The following CAMTA2 variants were observed in gnomAD, a reference collection of about 807,000 sequenced individuals.
The protein encoded by CAMTA2 is calmodulin binding transcription activator 2.
A neutral mutation model predicts 135.7 loss-of-function variants in CAMTA2; 56 were observed. That is an observed-to-expected ratio of 0.41 (90% CI 0.33 to 0.52). The LOEUF is 0.52. CAMTA2 is among the 20% of genes least tolerant of loss of function. The pLI is 0.16. For synonymous variants in CAMTA2, 591 were observed against 604.6 expected (o/e 0.98, Z 0.33); for missense variants, 1,358 against 1,553.4 (o/e 0.87, Z 2.11).
intron 6 of CAMTA2, 112 bp downstream of exon 6, chr17:4,981,977 C>T: frequency 7.9e-7 from 1 of 1,268,622 alleles, no homozygotes; most frequent in Non-Finnish European, 1.1e-6. Context: ...TCTCTTCTTC[C>T]CAGGCTCCTT....
At position 4,981,706 on chromosome 17, in the gene CAMTA2, C is replaced by T; in HGVS notation, c.537G>A (p.Glu179=). ...DRREWLKWSR[E]ELLGQLKPMF... ...TGGGCTTCAGCTGTCCCAACAACTC[C>T]TCCCGGGACCACTTCAGCCACTCTC... The change falls in exon 7 of 23, where the codon GAG becomes GAA. Residue 179 remains glutamate, a synonymous_variant. Transcript: ENST00000348066. 6.2e-7 allele frequency: 1 copy of T among 1,610,476 alleles called. No homozygotes were observed. The highest frequency in any genetic ancestry group is 1.1e-5 in the South Asian group (1 of 90,890).
rs1382645638 is a variant in CAMTA2, at chr17:4,973,774, GATATACACACTCTTAGGCAGAGACCC to G, written c.2017-31_2017-6del. 6.3e-7 allele frequency: 1 copy of G among 1,599,890 alleles called. No homozygotes were observed. Among genetic ancestry groups the G allele is most frequent in the Non-Finnish European group, 8.5e-7 (1 of 1,171,172 alleles). ...CCCAGGCCCCTGGCCTTCATCCTGC[GATATACACACTCTTAGGCAGAGACCC>G]AGGTATCTACTCCCCTGGCTTGAGG... On this transcript the variant is annotated splice_region_variant and splice_polypyrimidine_tract_variant and intron_variant, in intron 12 of 22. Coordinates refer to ENST00000348066, the MANE Select transcript of CAMTA2 (RefSeq NM_015099.4).
rs572711003 is a variant in CAMTA2, at chr17:4,968,769, C to T, written c.3596G>A (p.Gly1199Glu). Reference protein sequence around the residue: ...NQELEGLPQPGLAT With the variant: ...NQELEGLPQPELAT ...GCGGTGGCCAGGTCATGTGGCCAGT[C>T]CCGGCTGGGGAAGCCCTTCCAGCTC... The change falls in exon 23 of 23, where the codon GGA becomes GAA. Residue 1199 changes from glycine to glutamate, a missense_variant. Transcript: ENST00000348066. 3.7e-6 allele frequency: 6 copies of T among 1,614,136 alleles called. No individual in the cohort carries two copies. The Admixed American group carries it at 8.3e-5, about 22-fold the overall frequency.
chr17:4,974,817 T>C (rs1435764844), intron 11 of CAMTA2: 1 of 227,818 alleles, frequency 4.4e-6, no homozygotes, highest in Non-Finnish European at 8.7e-6. Flanking sequence ...CCGTACACAC[T>C]CTTCCCCCCA....
intron 7 of CAMTA2, 123 bp from the exon 8 acceptor site, chr17:4,981,482 C>G (rs1972956933): frequency 2.2e-6 from 3 of 1,371,066 alleles, no homozygotes; most frequent in Non-Finnish European, 3.0e-6. Context: ...AGGCCAGCAG[C>G]CTCAAGACTG....
rs746071862 is a variant in CAMTA2, at chr17:4,984,826, CT to C, written c.135+1053del. On this transcript the variant is annotated intron_variant, in intron 3 of 22. Transcript: ENST00000348066. ...ACTAGGTCTAGAGTTCGAGACCAGCCTGGCCAACATAGTGAAACCCCATCTC... is the reference window on the plus strand; with the variant it reads ...ACTAGGTCTAGAGTTCGAGACCAGCCGGCCAACATAGTGAAACCCCATCTC... Among the ~76,000 whole-genome samples, 44 of 152,034 alleles carry C rather than the reference CT, an allele frequency of 2.9e-4. 1 individual carries two copies. The highest frequency in any genetic ancestry group is 1.4e-3 in the Admixed American group (21 of 15,260).
At chr17:4,975,370 G>C (rs1269190252) in intron 11 of CAMTA2, among the ~76,000 whole-genome samples, 1 of 152,012 alleles carries the variant, frequency 6.6e-6, no homozygotes, top group Admixed American at 6.6e-5. Context: ...GACAAAGGAG[G>C]GCTGGGGGAA....
Position 4,983,053 on chromosome 17 carries a change from A to G in CAMTA2, c.136-10T>C. ...GGTAGGATGCAATCTCCTGTAGGAG[A>G]GGAGGCACTCAGCTGGGCATCTCCT... On this transcript the variant is annotated splice_polypyrimidine_tract_variant and intron_variant, in intron 3 of 22. Coordinates refer to ENST00000348066, the MANE Select transcript of CAMTA2 (RefSeq NM_015099.4). 1 of 1,612,642 alleles carries G rather than the reference A, an allele frequency of 6.2e-7. No homozygotes were observed. Among genetic ancestry groups the G allele is most frequent in the Non-Finnish European group, 8.5e-7 (1 of 1,178,778 alleles).
Position 4,973,612 on chromosome 17 carries a change from C to T in CAMTA2, c.2174G>A (p.Arg725His), listed in dbSNP as rs374714804. ...CCACTGGCTCAGGGTCTCGATGAGG[C>T]GGGCATAGCCCTGGGCAGCAGCCAG... ...LHLAAAQGYARLIETLSQWRS... is the reference protein window; with the variant it reads ...LHLAAAQGYAHLIETLSQWRS... Residue 725 changes from arginine to histidine, a missense_variant, in exon 13 of 23, where the codon CGC becomes CAC. By Grantham distance (29) the Arg-to-His change is conservative. Transcript: ENST00000348066. 19 of 1,613,378 alleles carry T rather than the reference C, an allele frequency of 1.2e-5. No individual in the cohort carries two copies. Among genetic ancestry groups the T allele is most frequent in the Admixed American group, 1.7e-5 (1 of 60,000 alleles).
In CAMTA2 at chr17:4,969,747, T is replaced by C. The variant is rs778034655; in HGVS notation, c.3190-46A>G. 6.2e-7 allele frequency: 1 copy of C among 1,610,348 alleles called. No homozygotes were observed. Among genetic ancestry groups the C allele is most frequent in the Admixed American group, 1.7e-5 (1 of 60,016 alleles). ...CCACCTCATGACCCACATAATGGCA[T>C]ATCTGACTTGTCCCTTCAACTTTCC... On this transcript the variant is annotated intron_variant, in intron 18 of 22. Transcript: ENST00000348066. The surrounding 1 kb of genome is among the most constrained non-coding windows in gnomAD (Gnocchi z 5.6).
chr17:4,982,146 G>A lies in CAMTA2; in HGVS notation c.354C>T (p.Cys118=). 1 of 1,444,832 alleles carries A rather than the reference G, an allele frequency of 6.9e-7. No individual in the cohort carries two copies. The highest frequency in any genetic ancestry group is 1.1e-5 in the South Asian group (1 of 88,962). The allele number at this position is 1,444,832 out of a possible 1,614,324, so 89.5% of individuals were successfully genotyped here. A position where few individuals can be genotyped will look rare whatever the true frequency, so the allele number is the denominator to read the frequency against. The change falls in exon 6 of 23, where the codon TGC becomes TGT. Residue 118 remains cysteine, a synonymous_variant. Transcript: ENST00000348066. ...KVQGMECLYG[C]YVHSSIVPTF... Reference sequence around the variant, plus strand: ...TGGGGACGATGGAAGAGTGAACGTAGCAGCCATAGAGACACTGCCAGGAGA... The same window carrying A: ...TGGGGACGATGGAAGAGTGAACGTAACAGCCATAGAGACACTGCCAGGAGA...
intron 16 of CAMTA2, among the ~76,000 whole-genome samples, chr17:4,971,772 T>C (rs377301448): frequency 2.0e-5 from 3 of 148,528 alleles, no homozygotes; most frequent in East Asian, 4.0e-4. Flanking sequence ...CACTGCAGCC[T>C]GTGCCTCCTG....
chr17:4,971,873 G>A (rs1202373514), intron 16 of CAMTA2, among the ~76,000 whole-genome samples: 2 of 151,986 alleles, frequency 1.3e-5, no homozygotes, highest in Non-Finnish European at 2.9e-5. Flanking sequence ...ATTTCTTGTA[G>A]AGAGGGGGTT....
At position 4,969,360 on chromosome 17, in the gene CAMTA2, CAG is replaced by C. The variant is rs770764065; in HGVS notation, c.3283-25_3283-24del. 29 of 1,612,896 alleles carry C rather than the reference CAG, an allele frequency of 1.8e-5. No homozygotes were observed. The Middle Eastern group carries it at 1.2e-3, about 64-fold the overall frequency. ...AAACTGCAGGGGTGGGGAGGAGGGA[CAG>C]GGGCTGAAATAGAGGGACGGAGACC... On this transcript the variant is annotated intron_variant, in intron 20 of 22. Coordinates refer to ENST00000348066, the MANE Select transcript of CAMTA2 (RefSeq NM_015099.4). This position sits in a 1 kb window ranked among gnomAD's most constrained non-coding sequence, Gnocchi z 5.6.
chr17:4,972,321 G>A lies in CAMTA2; in HGVS notation c.2719C>T (p.Leu907Phe), dbSNP rs2151164728. 3 of 1,613,806 alleles carry A rather than the reference G, an allele frequency of 1.9e-6. No individual in the cohort carries two copies. The highest frequency in any genetic ancestry group is 2.2e-5 in the East Asian group (1 of 44,880). Residue 907 changes from leucine to phenylalanine, a missense_variant, in exon 16 of 23, where the codon CTC becomes TTC. Transcript: ENST00000348066. ...DYEATNSKGP[L>F]SSLPALPPAS... ...GGTGGGAGGGCAGGAAGGGAGGAGA[G>A]GGGCCCCTTGGAGTTGGTAGCCTCA...
rs1293836663 is a variant in CAMTA2, at chr17:4,981,820, G to A, written c.423C>T (p.Ile141=). The change falls in exon 7 of 23, where the codon ATC becomes ATT. Residue 141 remains isoleucine, a synonymous_variant. Transcript: ENST00000348066. ...GGACGTTCAGGTAGTGCACAAGGAC[G>A]ATGTCAGGGTTCTGAGAGTATAAGG... The part of the protein sequence containing the change: ...RCYWLLQNPD[I]VLVHYLNVPA... The A allele has an allele frequency of 1.4e-5, 23 of 1,604,096 alleles. No individual in the cohort carries two copies. Among genetic ancestry groups the A allele is most frequent in the Non-Finnish European group, 1.9e-5 (22 of 1,174,152 alleles).
chr17:4,969,536 G>C lies in CAMTA2; in HGVS notation c.3262-16C>G. On this transcript the variant is annotated splice_polypyrimidine_tract_variant and intron_variant, in intron 19 of 22. Coordinates refer to ENST00000348066, the MANE Select transcript of CAMTA2 (RefSeq NM_015099.4). This position sits in a 1 kb window ranked among gnomAD's most constrained non-coding sequence, Gnocchi z 5.6. ...TCCAGGTCAGCTTGTGGAGAGAGAA[G>C]GGGAGTTAGGGCTCTGGCAACATTC... The C allele has an allele frequency of 6.2e-7, 1 of 1,614,106 alleles. No homozygotes were observed. The highest frequency in any genetic ancestry group is 8.5e-7 in the Non-Finnish European group (1 of 1,179,992).
chr17:4,969,514 A>G lies in CAMTA2; in HGVS notation c.3268T>C (p.Trp1090Arg). 6.2e-7 allele frequency: 1 copy of G among 1,614,176 alleles called. No individual in the cohort carries two copies. The highest frequency in any genetic ancestry group is 8.5e-7 in the Non-Finnish European group (1 of 1,180,016). ...RCYRKYKQLT[W>R]IALKFALYKK... is the part of the protein sequence containing the mutation. The stretch of plus-strand genomic sequence containing the variant: ...ATGCCTAATACCTTAAGTGCAATCC[A>G]GGTCAGCTTGTGGAGAGAGAAGGGG... Residue 1090 changes from tryptophan to arginine, a missense_variant, in exon 20 of 23, where the codon TGG (tryptophan) becomes CGG (arginine). Physicochemically the swap from Trp to Arg is moderately radical, Grantham distance 101. This residue lies in a region of CAMTA2 where 167 missense variants were observed against 207.0 expected (regional missense o/e 0.81). Coordinates refer to ENST00000348066, the MANE Select transcript of CAMTA2 (RefSeq NM_015099.4). This position sits in a 1 kb window ranked among gnomAD's most constrained non-coding sequence, Gnocchi z 5.6.
intron 16 of CAMTA2, among the ~76,000 whole-genome samples, chr17:4,971,108 C>T (rs1972255852): frequency 6.6e-6 from 1 of 152,212 alleles, no homozygotes; most frequent in Non-Finnish European, 1.5e-5. Flanking sequence ...GGTATGTCCC[C>T]AGTCTCTATC....
Sources: allele counts gnomAD v4.1 joint callset (sites outside exome capture counted in the v4.1 genomes callset), GRCh38; gene constraint gnomAD v4.1.1; regional missense constraint gnomAD v4.1.1; non-coding constraint Gnocchi (gnomAD v3.1); transcripts MANE v1.5; gene names NCBI Gene and HGNC (gene_info 2026-07-23, HGNC 2026-07-21).